Variants in KIAA1549L observed in about 807,000 individuals in gnomAD.
KIAA1549L encodes the protein UPF0606 protein KIAA1549L.
Under a neutral mutation model 160.7 loss-of-function variants are expected in KIAA1549L, and 88 were observed. That is an observed-to-expected ratio of 0.55 (90% CI 0.46 to 0.65). The LOEUF is 0.65. KIAA1549L is among the 30% of genes least tolerant of loss of function. The pLI is 0.00. For synonymous variants in KIAA1549L, 950 were observed against 976.7 expected (o/e 0.97, Z 0.51); for missense variants, 2,258 against 2,437.5 (o/e 0.93, Z 1.55).
At chr11:33,622,083 A>T (rs1481166181) in intron 16 of KIAA1549L, among the ~76,000 whole-genome samples, 2 of 152,022 alleles carry the variant, frequency 1.3e-5, no homozygotes, top group Non-Finnish European at 2.9e-5. Flanking sequence ...GTTAAGAAGG[A>T]TGGTTGATTC....
chr11:33,423,095 G>A (rs1202146000), intron 1 of KIAA1549L, among the ~76,000 whole-genome samples: 4 of 152,162 alleles, frequency 2.6e-5, no homozygotes, highest in East Asian at 1.9e-4. Context: ...GAAAATATGC[G>A]AGGACTTCAG....
intron 1 of KIAA1549L, among the ~76,000 whole-genome samples, chr11:33,452,165 C>T (rs940255756): frequency 4.6e-5 from 7 of 152,200 alleles, no homozygotes; most frequent in Non-Finnish European, 1.0e-4. Flanking sequence ...TCTCACATGT[C>T]TATAATCCCT....
intron 15 of KIAA1549L, among the ~76,000 whole-genome samples, chr11:33,614,244 A>G (rs1850720632): frequency 6.6e-6 from 1 of 151,836 alleles, no homozygotes; most frequent in African/African-American, 2.4e-5. Context: ...TGTCCTTCCC[A>G]GGCTACTGTC....
chr11:33,635,915 T>TA lies in KIAA1549L; in HGVS notation c.5410-9770dup, dbSNP rs557114186. Among the ~76,000 whole-genome samples the TA allele has an allele frequency of 7.7e-3, 1,177 of 152,344 alleles. 5 individuals carry two copies. Among genetic ancestry groups the TA allele is most frequent in the Non-Finnish European group, 0.012 (815 of 68,038 alleles). ...CCACTTATCCATGGTTTCAGCTACTTACGGTCAACTATGATCTGAAAATAT... is the reference window on the plus strand; with the variant it reads ...CCACTTATCCATGGTTTCAGCTACTTAACGGTCAACTATGATCTGAAAATAT... On this transcript the variant is annotated intron_variant, in intron 16 of 20. Coordinates refer to ENST00000658780, the MANE Select transcript of KIAA1549L (RefSeq NM_012194.3).
At chr11:33,630,282 C>T (rs1467979184) in intron 16 of KIAA1549L, among the ~76,000 whole-genome samples, 4 of 152,250 alleles carry the variant, frequency 2.6e-5, no homozygotes, top group Admixed American at 6.5e-5. Context: ...GGCAGGCAGG[C>T]CTCCTTGAGC....
intron 1 of KIAA1549L, among the ~76,000 whole-genome samples, chr11:33,537,384 T>C (rs1159898805): frequency 6.6e-6 from 1 of 152,146 alleles, no homozygotes; most frequent in African/African-American, 2.4e-5. Context: ...TGTTTTTCCT[T>C]AAGACGTTGC....
chr11:33,574,823 C>T lies in KIAA1549L; in HGVS notation c.4352C>T (p.Ser1451Phe). 6.2e-7 allele frequency: 1 copy of T among 1,613,996 alleles called. No individual in the cohort carries two copies. The highest frequency in any genetic ancestry group is 1.7e-5 in the Admixed American group (1 of 60,030). ...AAAKILSTIDSQRMALTLHHV... is the reference protein window; with the variant it reads ...AAAKILSTIDFQRMALTLHHV... ...GCCAAGATCCTGAGCACCATTGATT[C>T]CCAAAGGATGGCCTTGACCCTTCAT... The change falls in exon 10 of 21, where the codon TCC becomes TTC. Residue 1451 changes from serine to phenylalanine, a missense_variant. This residue lies in a region of KIAA1549L where 1,359 missense variants were observed against 1,546.6 expected (regional missense o/e 0.88). Transcript: ENST00000658780.
intron 6 of KIAA1549L, among the ~76,000 whole-genome samples, chr11:33,554,453 T>A (rs1244056794): frequency 6.6e-6 from 1 of 152,214 alleles, no homozygotes; most frequent in Non-Finnish European, 1.5e-5. Flanking sequence ...TCACATTTAT[T>A]CCGACACAGT....
chr11:33,641,616 A>G (rs1455826273), intron 16 of KIAA1549L, among the ~76,000 whole-genome samples: 47 of 57,048 alleles, frequency 8.2e-4, no homozygotes, highest in African/African-American at 3.0e-3. Context: ...ATATATATAT[A>G]TATATATATA....
intron 1 of KIAA1549L, among the ~76,000 whole-genome samples, chr11:33,468,175 A>G (rs1415166730): frequency 2.0e-5 from 3 of 152,204 alleles, no homozygotes; most frequent in African/African-American, 7.2e-5. Flanking sequence ...AAACAAATCG[A>G]TTGGCAAGTA....
At chr11:33,408,489 G>GTATATATATATATATATATATA (rs138063173) in intron 1 of KIAA1549L, among the ~76,000 whole-genome samples, 1 of 123,076 alleles carries the variant, frequency 8.1e-6, no homozygotes. Context: ...CTGTATATGT[G>GTATATATATATATATATATATA]TATATATATA....
chr11:33,649,342 GGAAAA>G (rs1851814928), intron 17 of KIAA1549L, among the ~76,000 whole-genome samples: 1 of 122,576 alleles, frequency 8.2e-6, no homozygotes, highest in African/African-American at 4.0e-5. Flanking sequence ...TCTCTACGGG[GGAAAA>G]AAAAAAAAAA....
chr11:33,482,282 C>T (rs1852426534), intron 1 of KIAA1549L, among the ~76,000 whole-genome samples: 1 of 151,904 alleles, frequency 6.6e-6, no homozygotes, highest in South Asian at 2.1e-4. Context: ...ACTGACACTT[C>T]TATTTTTTTC....
chr11:33,423,839 G>A (rs192841989), intron 1 of KIAA1549L, among the ~76,000 whole-genome samples: 2 of 152,294 alleles, frequency 1.3e-5, no homozygotes, highest in East Asian at 1.9e-4. Flanking sequence ...ACCAGCCTGG[G>A]CAACATAGCG....
chr11:33,570,879 C>T (rs1013202988), intron 9 of KIAA1549L, among the ~76,000 whole-genome samples: 10 of 152,084 alleles, frequency 6.6e-5, no homozygotes, highest in African/African-American at 2.2e-4. Context: ...TACTAAGATC[C>T]AGTATTGATG....
At position 33,559,869 on chromosome 11, in the gene KIAA1549L, G is replaced by C. The variant is rs974374071; in HGVS notation, c.3976G>C (p.Val1326Leu). 1.2e-6 allele frequency: 2 copies of C among 1,614,022 alleles called. No individual in the cohort carries two copies. Among genetic ancestry groups the C allele is most frequent in the South Asian group, 2.2e-5 (2 of 91,076 alleles). Residue 1326 changes from valine (V) to leucine (L), a missense_variant, in exon 7 of 21, where the codon GTG becomes CTG. Val to Leu is a conservative substitution (Grantham distance 32). Transcript: ENST00000658780. ...SLLSQLSAEL[V>L]GFYLTYPPLT... ...CCTCAGCCAGCTCTCGGCTGAGCTG[G>C]TGGGATTCTACCTCACCTATCCGCC...
At chr11:33,388,849 A>T (rs1397561464) in intron 1 of KIAA1549L, among the ~76,000 whole-genome samples, 1 of 152,182 alleles carries the variant, frequency 6.6e-6, no homozygotes, top group Non-Finnish European at 1.5e-5. Flanking sequence ...AAGAAAAATC[A>T]TGGGCCCTTT....
Position 33,474,904 on chromosome 11 carries a change from T to C in KIAA1549L, c.239-66898T>C, listed in dbSNP as rs1001634415. ...GAGGAATTCTAATTATTTGGTGTTA[T>C]AGACTTTTTTTGTTAATTAAGGAGG... On this transcript the variant is annotated intron_variant, in intron 1 of 20. Transcript: ENST00000658780. Among the ~76,000 whole-genome samples, 4 of 152,236 alleles carry C rather than the reference T, an allele frequency of 2.6e-5. 1 individual carries two copies. The highest frequency in any genetic ancestry group is 6.5e-5 in the Admixed American group (1 of 15,278).
chr11:33,565,467 G>C (rs935078888), intron 8 of KIAA1549L, among the ~76,000 whole-genome samples: 2 of 152,136 alleles, frequency 1.3e-5, no homozygotes, highest in African/African-American at 4.8e-5. Flanking sequence ...TGATCCCTGT[G>C]TTTTCAGATG....
Sources: allele counts gnomAD v4.1 joint callset (sites outside exome capture counted in the v4.1 genomes callset), GRCh38; gene constraint gnomAD v4.1.1; regional missense constraint gnomAD v4.1.1; transcripts MANE v1.5; gene names NCBI Gene and HGNC (gene_info 2026-07-23, HGNC 2026-07-21).